CCDC102B: variants seen among roughly 807,000 people sequenced by gnomAD.
CCDC102B encodes the protein coiled-coil domain-containing protein 102B.
Under a neutral mutation model 57.4 loss-of-function variants are expected in CCDC102B, and 75 were observed. That is an observed-to-expected ratio of 1.31 (90% CI 1.08 to 1.58). The LOEUF (loss-of-function observed/expected upper bound fraction) is 1.58. Among genes scored for constraint, CCDC102B ranks in the 40% most tolerant of loss-of-function variants. The pLI, the probability that CCDC102B is intolerant of heterozygous loss-of-function variation, is 0.00. For synonymous variants in CCDC102B, 206 were observed against 201.9 expected, an observed-to-expected ratio of 1.02 and a Z score of -0.17; for missense variants, 636 against 582.6, an observed-to-expected ratio of 1.09 and a Z score of -0.94.
chr18:68,891,109 A>T (rs918312700), intron 5 of CCDC102B, among the ~76,000 whole-genome samples: 1 of 152,132 alleles, frequency 6.6e-6, no homozygotes, highest in Non-Finnish European at 1.5e-5. Flanking sequence ...AATAATGTTA[A>T]TGCATGTGGT....
At chr18:69,005,000 T>A (rs963128063) in intron 6 of CCDC102B, among the ~76,000 whole-genome samples, 2 of 152,236 alleles carry the variant, frequency 1.3e-5, no homozygotes, top group Non-Finnish European at 2.9e-5. Context: ...AACATTGAAT[T>A]TATTCTTGTT....
chr18:68,761,822 T>G (rs1159065110), intron 2 of CCDC102B, among the ~76,000 whole-genome samples: 1 of 152,112 alleles, frequency 6.6e-6, no homozygotes, highest in Non-Finnish European at 1.5e-5. Flanking sequence ...GATAATTATT[T>G]ATATTTTTGA....
At chr18:68,822,454 A>C (rs756321054) in intron 1 of CCDC102B, among the ~76,000 whole-genome samples, 1 of 152,072 alleles carries the variant, frequency 6.6e-6, no homozygotes, top group Non-Finnish European at 1.5e-5. Context: ...TAACATGTCA[A>C]TTTGGTGTTT....
chr18:68,959,133 A>G (rs938161017), intron 6 of CCDC102B, among the ~76,000 whole-genome samples: 1 of 151,978 alleles, frequency 6.6e-6, no homozygotes, highest in African/African-American at 2.4e-5. Context: ...TTTTGTACCC[A>G]TCGTTTTTGG....
At chr18:68,821,491 A>G (rs995893066) in intron 1 of CCDC102B, among the ~76,000 whole-genome samples, 2 of 151,784 alleles carry the variant, frequency 1.3e-5, no homozygotes, top group Non-Finnish European at 2.9e-5. Flanking sequence ...AATGCCACAG[A>G]GAGAAAACAA....
intron 4 of CCDC102B, chr18:68,858,905 TG>T (rs750684752): frequency 3.3e-5 from 5 of 152,272 alleles, no homozygotes; most frequent in Middle Eastern, 3.2e-3. Flanking sequence ...TGCAAGTTTT[TG>T]TTTTTCCTTT....
intron 2 of CCDC102B, among the ~76,000 whole-genome samples, chr18:68,784,029 A>C (rs1435649917): frequency 6.6e-6 from 1 of 152,158 alleles, no homozygotes; most frequent in Non-Finnish European, 1.5e-5. Context: ...ATTTATATGA[A>C]TTTTTTAAAT....
chr18:69,013,016 G>A (rs986660730), intron 7 of CCDC102B, among the ~76,000 whole-genome samples: 2 of 151,014 alleles, frequency 1.3e-5, no homozygotes, highest in Non-Finnish European at 2.9e-5. Flanking sequence ...TCTTACTCCT[G>A]AATATCTACC....
chr18:68,852,675 T>A (rs7238921), intron 4 of CCDC102B, among the ~76,000 whole-genome samples: 1 of 151,974 alleles, frequency 6.6e-6, no homozygotes, highest in Non-Finnish European at 1.5e-5. Context: ...CTCATGGATA[T>A]GGAAGTATAC....
At chr18:68,976,946 C>T (rs2050454298) in intron 6 of CCDC102B, among the ~76,000 whole-genome samples, 1 of 151,880 alleles carries the variant, frequency 6.6e-6, no homozygotes, top group Admixed American at 6.6e-5. Flanking sequence ...TTTTACATCA[C>T]TGATAATTTA....
chr18:68,747,660 T>A (rs547528382), intron 2 of CCDC102B, among the ~76,000 whole-genome samples: 38 of 152,282 alleles, frequency 2.5e-4, no homozygotes, highest in African/African-American at 8.9e-4. Context: ...TAGCATAATG[T>A]ACTCCAGGTT....
intron 6 of CCDC102B, among the ~76,000 whole-genome samples, chr18:68,938,624 T>C (rs1346064965): frequency 6.6e-6 from 1 of 151,814 alleles, no homozygotes; most frequent in East Asian, 1.9e-4. Flanking sequence ...CATTTTATAC[T>C]TAAAATCATT....
intron 6 of CCDC102B, among the ~76,000 whole-genome samples, chr18:68,964,544 C>A (rs1014103638): frequency 2.0e-5 from 3 of 151,612 alleles, no homozygotes; most frequent in African/African-American, 7.3e-5. Flanking sequence ...GCTATATTAT[C>A]TATTGGTTAA....
At chr18:69,047,897 G>A (rs2145490096) in intron 7 of CCDC102B, among the ~76,000 whole-genome samples, 1 of 152,056 alleles carries the variant, frequency 6.6e-6, no homozygotes, top group Non-Finnish European at 1.5e-5. Context: ...AAAAACAAAT[G>A]GAAAATAATT....
intron 6 of CCDC102B, among the ~76,000 whole-genome samples, chr18:68,971,033 C>T (rs2050288503): frequency 6.6e-6 from 1 of 151,886 alleles, no homozygotes; most frequent in African/African-American, 2.4e-5. Flanking sequence ...GAAGTATGAA[C>T]ATTATGCAAT....
At chr18:68,829,006 T>G (rs1377675044) in intron 1 of CCDC102B, among the ~76,000 whole-genome samples, 1 of 151,962 alleles carries the variant, frequency 6.6e-6, no homozygotes. Flanking sequence ...AGCTTTCTTA[T>G]GTCTGGTCTT....
At chr18:69,047,346 C>T (rs1207672344) in intron 7 of CCDC102B, among the ~76,000 whole-genome samples, 1 of 152,092 alleles carries the variant, frequency 6.6e-6, no homozygotes, top group East Asian at 1.9e-4. Context: ...AATATCCCTT[C>T]ATCTTAAAAA....
intron 6 of CCDC102B, among the ~76,000 whole-genome samples, chr18:68,944,030 C>G (rs1331472923): frequency 6.6e-6 from 1 of 152,126 alleles, no homozygotes; most frequent in Admixed American, 6.6e-5. Flanking sequence ...ATGTTGTTAT[C>G]TCTTTGATAA....
intron 6 of CCDC102B, among the ~76,000 whole-genome samples, chr18:68,966,018 C>G (rs2050157398): frequency 6.6e-6 from 1 of 152,114 alleles, no homozygotes; most frequent in African/African-American, 2.4e-5. Context: ...GTAATGCAAT[C>G]CTGCTGAGAG....
Sources: allele counts gnomAD v4.1 joint callset (sites outside exome capture counted in the v4.1 genomes callset), GRCh38; gene constraint gnomAD v4.1.1; transcripts MANE v1.5; gene names NCBI Gene and HGNC (gene_info 2026-07-23, HGNC 2026-07-21).